The following SHROOM3 variants were observed in gnomAD, a reference collection of about 807,000 sequenced individuals.
SHROOM3 encodes protein Shroom3.
A neutral mutation model predicts 138.6 loss-of-function variants in SHROOM3; 47 were observed. That is an observed-to-expected ratio of 0.34 (90% CI 0.27 to 0.43). SHROOM3 has a LOEUF of 0.43. Among genes scored for constraint, SHROOM3 ranks in the 20% least tolerant of loss-of-function variants. SHROOM3 has a pLI of 1.00. For synonymous variants in SHROOM3, 1,062 were observed against 1,063.3 expected, an observed-to-expected ratio of 1.00 and a Z score of 0.02; for missense variants, 2,491 against 2,596.5, an observed-to-expected ratio of 0.96 and a Z score of 0.88.
chr4:76,607,695 G>A (rs1377911359), intron 2 of SHROOM3, among the ~76,000 whole-genome samples: 2 of 151,592 alleles, frequency 1.3e-5, no homozygotes, highest in East Asian at 3.9e-4. Context: ...TTTTTCTTGT[G>A]GTTAATAAAG....
chr4:76,607,196 G>T (rs113898269), intron 2 of SHROOM3, among the ~76,000 whole-genome samples: 2 of 102,170 alleles, frequency 2.0e-5, no homozygotes, highest in Non-Finnish European at 4.1e-5. Context: ...CTGTTTTATG[G>T]AACTAAAGCT....
intron 9 of SHROOM3, among the ~76,000 whole-genome samples, chr4:76,768,293 C>T (rs556450207): frequency 1.3e-4 from 20 of 152,292 alleles, no homozygotes; most frequent in African/African-American, 2.6e-4. Context: ...TCTCCATATG[C>T]GCTGATATCA....
chr4:76,643,370 G>A (rs1735730581), intron 2 of SHROOM3, among the ~76,000 whole-genome samples: 1 of 152,036 alleles, frequency 6.6e-6, no homozygotes, highest in African/African-American at 2.4e-5. Flanking sequence ...ATAAACTGAG[G>A]CACAGAGCAA....
chr4:76,600,056 G>T (rs559891725), intron 2 of SHROOM3, among the ~76,000 whole-genome samples: 2 of 152,186 alleles, frequency 1.3e-5, no homozygotes, highest in African/African-American at 4.8e-5. Flanking sequence ...GGAGGCTGAG[G>T]TGGGAAGATG....
chr4:76,767,465 G>T (rs1429240951), intron 9 of SHROOM3, among the ~76,000 whole-genome samples: 1 of 152,146 alleles, frequency 6.6e-6, no homozygotes, highest in Non-Finnish European at 1.5e-5. Context: ...AATAACTGAG[G>T]TCAGGAGTTC....
chr4:76,642,614 G>A (rs1327295110), intron 2 of SHROOM3, among the ~76,000 whole-genome samples: 1 of 152,158 alleles, frequency 6.6e-6, no homozygotes, highest in Admixed American at 6.5e-5. Context: ...AAACAAAGTT[G>A]TTTGAAATTT....
intron 1 of SHROOM3, among the ~76,000 whole-genome samples, chr4:76,512,647 T>C (rs1732361859): frequency 6.6e-6 from 1 of 151,996 alleles, no homozygotes; most frequent in Non-Finnish European, 1.5e-5. Flanking sequence ...TCCAAAATGA[T>C]TGGGGGTGGG....
intron 2 of SHROOM3, chr4:76,688,275 G>A (rs1719397286): frequency 2.2e-6 from 1 of 464,694 alleles, no homozygotes; most frequent in African/African-American, 2.1e-5. Flanking sequence ...GGAGGAGCCT[G>A]TCCATGAAGG....
At chr4:76,557,856 T>C (rs1166656385) in intron 2 of SHROOM3, among the ~76,000 whole-genome samples, 3 of 152,214 alleles carry the variant, frequency 2.0e-5, no homozygotes, top group Non-Finnish European at 4.4e-5. Flanking sequence ...TGGCCAACTC[T>C]AGGCATAGGC....
At chr4:76,759,890 G>C (rs543827990) in intron 9 of SHROOM3, among the ~76,000 whole-genome samples, 195 bp downstream of exon 9, 17 of 152,276 alleles carry the variant, frequency 1.1e-4, no homozygotes, top group Non-Finnish European at 2.4e-4. Context: ...TCTGTGAGTA[G>C]GCAGGGCAGG....
intron 1 of SHROOM3, among the ~76,000 whole-genome samples, chr4:76,445,383 G>GA (rs1254311267): frequency 6.6e-6 from 1 of 151,904 alleles, no homozygotes. Context: ...GTATTATTAA[G>GA]AAAAAAAATA....
chr4:76,583,302 A>G (rs1734087520), intron 2 of SHROOM3, among the ~76,000 whole-genome samples: 1 of 152,180 alleles, frequency 6.6e-6, no homozygotes, highest in Admixed American at 6.5e-5. Flanking sequence ...TCTTCTGTCC[A>G]TGAGTGGCCA....
chr4:76,475,872 A>C (rs747281842), intron 1 of SHROOM3, among the ~76,000 whole-genome samples: 5 of 152,252 alleles, frequency 3.3e-5, no homozygotes, highest in Non-Finnish European at 5.9e-5. Context: ...AACATTCCAC[A>C]GTAGGGAAAA....
rs565746057 is a variant in SHROOM3, at chr4:76,562,946, C to T, written c.323+7183C>T. Reference sequence around the variant, plus strand: ...AATCTGCAAGCCAGATTGTGTAGCACGAAGGTGCCAATTCTCAGATATGAA... The same window carrying T: ...AATCTGCAAGCCAGATTGTGTAGCATGAAGGTGCCAATTCTCAGATATGAA... On this transcript the variant is annotated intron_variant, in intron 2 of 10. Transcript: ENST00000296043. Among the ~76,000 whole-genome samples, 11 of 152,242 alleles carry T rather than the reference C, an allele frequency of 7.2e-5. No individual in the cohort carries two copies. The South Asian group carries it at 2.3e-3, about 32-fold the overall frequency.
At chr4:76,761,372 T>C (rs766187978) in intron 9 of SHROOM3, among the ~76,000 whole-genome samples, 15 of 152,232 alleles carry the variant, frequency 9.9e-5, no homozygotes, top group Non-Finnish European at 2.1e-4. Flanking sequence ...GAAACAACAT[T>C]AGGTAGTATG....
chr4:76,464,401 A>T (rs964333826), intron 1 of SHROOM3, among the ~76,000 whole-genome samples: 1 of 152,120 alleles, frequency 6.6e-6, no homozygotes, highest in Admixed American at 6.5e-5. Context: ...TCTTGGAAGT[A>T]ACTAATTTTT....
chr4:76,485,624 T>G (rs1183389083), intron 1 of SHROOM3, among the ~76,000 whole-genome samples: 1 of 152,174 alleles, frequency 6.6e-6, no homozygotes, highest in Non-Finnish European at 1.5e-5. Flanking sequence ...AGGCAGCGCC[T>G]TTACAGAATG....
chr4:76,603,916 C>T (rs1282434607), intron 2 of SHROOM3, among the ~76,000 whole-genome samples: 2 of 145,992 alleles, frequency 1.4e-5, no homozygotes, highest in African/African-American at 5.1e-5. Context: ...GATCTCAGCT[C>T]ACTGCAACCT....
rs965715770 is a variant in SHROOM3, at chr4:76,694,069, A to C, written c.324-16087A>C. 3.9e-5 allele frequency among the ~76,000 whole-genome samples: 6 copies of C among 152,338 alleles called. No homozygotes were observed. In the East Asian group the frequency reaches 9.7e-4, roughly 25 times the overall value. On this transcript the variant is annotated intron_variant, in intron 2 of 10. Transcript: ENST00000296043. The stretch of plus-strand genomic sequence containing the variant: ...TGGTAAATTTATAATAGTTTATTTA[A>C]TCTATTAAGCTTCAGTGATTTAATT...
Sources: gnomAD v4.1 joint callset for allele counts (sites outside exome capture counted in the v4.1 genomes callset) on GRCh38, gnomAD v4.1.1 for gene constraint, MANE v1.5 for transcripts, NCBI Gene and HGNC (gene_info 2026-07-23, HGNC 2026-07-21) for gene names.